FUT8: variants seen among roughly 807,000 people sequenced by gnomAD.
FUT8 encodes the protein fucosyltransferase 8, also known as alpha-(1,6)-fucosyltransferase.
In FUT8, 29 loss-of-function variants were observed where a neutral mutation model predicts 71.3. The ratio of observed to expected loss-of-function variants is 0.41; its 90% CI spans 0.30 to 0.55. The LOEUF (loss-of-function observed/expected upper bound fraction) is 0.55. Among genes scored for constraint, FUT8 ranks in the 20% least tolerant of loss-of-function variants. FUT8 has a pLI of 0.34. For synonymous variants in FUT8, 254 were observed against 239.3 expected, an observed-to-expected ratio of 1.06 and a Z score of -0.57; for missense variants, 544 against 702.1, an observed-to-expected ratio of 0.77 and a Z score of 2.55.
At chr14:65,604,188 G>A (rs1423110398) in intron 3 of FUT8, among the ~76,000 whole-genome samples, 1 of 151,798 alleles carries the variant, frequency 6.6e-6, no homozygotes, top group East Asian at 1.9e-4. Context: ...GCACTAGACA[G>A]GTCATCAAGA....
intron 2 of FUT8, among the ~76,000 whole-genome samples, chr14:65,555,688 T>C (rs745859173): frequency 1.4e-4 from 22 of 152,218 alleles, no homozygotes; most frequent in Non-Finnish European, 2.9e-4. Flanking sequence ...ACTTTTATTG[T>C]TAATTTTCTC....
At chr14:65,522,820 G>A (rs954723018) in intron 2 of FUT8, among the ~76,000 whole-genome samples, 2 of 151,106 alleles carry the variant, frequency 1.3e-5, no homozygotes, top group South Asian at 2.1e-4. Flanking sequence ...AGAACATGTG[G>A]TATTTGGTTT....
intron 1 of FUT8, among the ~76,000 whole-genome samples, chr14:65,454,856 A>G (rs1363950933): frequency 6.6e-6 from 1 of 152,202 alleles, no homozygotes; most frequent in African/African-American, 2.4e-5. Flanking sequence ...TGTGTGCCAA[A>G]CATGATACTG....
At position 65,626,887 on chromosome 14, in the gene FUT8, G is replaced by A. The variant is rs561051332; in HGVS notation, c.483-2605G>A. Reference sequence around the variant, plus strand: ...CCATAATCTTAAGCATGCCAGAGGAGTTAATACAAAGTGTTGAGAAGGGAT... The same window carrying A: ...CCATAATCTTAAGCATGCCAGAGGAATTAATACAAAGTGTTGAGAAGGGAT... On this transcript the variant is annotated intron_variant, in intron 5 of 10. Transcript: ENST00000673929. Among the ~76,000 whole-genome samples the A allele has an allele frequency of 1.4e-4, 22 of 152,304 alleles. No homozygotes were observed. In the South Asian group the frequency reaches 4.3e-3, roughly 30 times the overall value.
intron 2 of FUT8, among the ~76,000 whole-genome samples, chr14:65,536,861 C>T (rs546818203): frequency 2.0e-5 from 3 of 152,186 alleles, no homozygotes; most frequent in South Asian, 4.2e-4. Flanking sequence ...TGCTTCCAGT[C>T]TCCCCATTTC....
At chr14:65,360,142 TTTTTACC>T in the FUT8 span, among the ~76,000 whole-genome samples, 1 of 152,202 alleles carries the variant, frequency 6.6e-6, no homozygotes, top group South Asian at 2.1e-4. Flanking sequence ...GGCACACTCA[TTTTTACC>T]TTATGTTGTG....
chr14:65,360,937 G>A, the FUT8 span, among the ~76,000 whole-genome samples: 1 of 152,142 alleles, frequency 6.6e-6, no homozygotes, highest in East Asian at 1.9e-4. Flanking sequence ...CTGCAAAATG[G>A]GGATGGTAAA....
At chr14:65,594,527 T>C (rs202142808) in intron 3 of FUT8, among the ~76,000 whole-genome samples, 1 of 152,186 alleles carries the variant, frequency 6.6e-6, no homozygotes, top group African/African-American at 2.4e-5. Context: ...GTGGCTGCCC[T>C]CTGCCAGTGA....
chr14:65,559,737 C>T (rs1038396102), intron 2 of FUT8, among the ~76,000 whole-genome samples: 2 of 151,936 alleles, frequency 1.3e-5, no homozygotes, highest in Admixed American at 1.3e-4. Context: ...TCACAGAGCC[C>T]TGGATTTCTG....
intron 6 of FUT8, chr14:65,636,506 C>T (rs891751601): frequency 6.6e-6 from 1 of 152,062 alleles, no homozygotes; most frequent in East Asian, 1.9e-4. Context: ...CTCTTAGCAC[C>T]ACCTTTGCCA....
Position 65,558,325 on chromosome 14 carries a change from CAAA to C in FUT8, c.-227-2997_-227-2995del, listed in dbSNP as rs67556145. On this transcript the variant is annotated intron_variant, in intron 2 of 10. Transcript: ENST00000673929. Reference sequence around the variant, plus strand: ...CCAGCCTGGGCAACAGAGCGAGACTCAAAAAAAAAAAAAAAAAGACTCTCTTGG... The same window carrying C: ...CCAGCCTGGGCAACAGAGCGAGACTCAAAAAAAAAAAAAAGACTCTCTTGG... Among the ~76,000 whole-genome samples, 1,016 of 118,126 alleles carry C rather than the reference CAAA, an allele frequency of 8.6e-3. 11 individuals carry two copies. The highest frequency in any genetic ancestry group is 0.028 in the African/African-American group (892 of 31,728). 77.5% of individuals were successfully genotyped at this position (118,126 alleles called of 152,430 possible). A position where few individuals can be genotyped will look rare whatever the true frequency, so the allele number is the denominator to read the frequency against.
chr14:65,513,411 G>A (rs1882491382), intron 2 of FUT8, among the ~76,000 whole-genome samples: 1 of 152,192 alleles, frequency 6.6e-6, no homozygotes, highest in Non-Finnish European at 1.5e-5. Flanking sequence ...AGCTGCCTGG[G>A]AGCTTTCCTC....
intron 1 of FUT8, among the ~76,000 whole-genome samples, chr14:65,430,796 C>T (rs1025842257): frequency 6.6e-6 from 1 of 151,984 alleles, no homozygotes; most frequent in African/African-American, 2.4e-5. Flanking sequence ...TACAGAACAT[C>T]ATTAGATGGG....
intron 1 of FUT8, among the ~76,000 whole-genome samples, chr14:65,435,640 G>T (rs1013024675): frequency 5.9e-5 from 9 of 152,094 alleles, no homozygotes; most frequent in Admixed American, 6.6e-5. Context: ...CAGATTGCTG[G>T]ATGATATGGT....
At chr14:65,380,229 G>C in the FUT8 span, among the ~76,000 whole-genome samples, 1 of 152,122 alleles carries the variant, frequency 6.6e-6, no homozygotes, top group Non-Finnish European at 1.5e-5. Flanking sequence ...AAATGAGGAA[G>C]GAGCAAAAGC....
the FUT8 span, among the ~76,000 whole-genome samples, chr14:65,361,683 G>A: frequency 6.6e-6 from 1 of 152,092 alleles, no homozygotes; most frequent in East Asian, 1.9e-4. Context: ...AGCTACTTGG[G>A]AGGCTGAGGT....
In FUT8 at chr14:65,483,800, T is replaced by C. The variant is rs1033143845; in HGVS notation, c.-228+28082T>C. 2.0e-5 allele frequency among the ~76,000 whole-genome samples: 3 copies of C among 152,088 alleles called. No homozygotes were observed. The highest frequency in any genetic ancestry group is 7.2e-5 in the African/African-American group (3 of 41,402). On this transcript the variant is annotated intron_variant, in intron 2 of 10. Transcript: ENST00000673929. This position sits in a 1 kb window ranked among gnomAD's most constrained non-coding sequence, Gnocchi z 4.4. ...CAGGCTGGAGTGTGGTGGCATGATA[T>C]CAGCTCACTGCAACCTTCACCTTCT...
intron 2 of FUT8, among the ~76,000 whole-genome samples, chr14:65,512,082 A>C (rs1390024337): frequency 6.6e-6 from 1 of 152,224 alleles, no homozygotes; most frequent in Admixed American, 6.5e-5. Context: ...ATGTTACTGT[A>C]CTGAATATTG....
In FUT8 at chr14:65,550,963, G is replaced by A. The variant is rs1885250515; in HGVS notation, c.-227-10374G>A. Among the ~76,000 whole-genome samples the A allele has an allele frequency of 6.6e-6, 1 of 152,148 alleles. No individual in the cohort carries two copies. Among genetic ancestry groups the A allele is most frequent in the African/African-American group, 2.4e-5 (1 of 41,440 alleles). On this transcript the variant is annotated intron_variant, in intron 2 of 10. Transcript: ENST00000673929. The surrounding 1 kb of genome is among the most constrained non-coding windows in gnomAD (Gnocchi z 4.5). ...ATGCATTTTGTTTACATATTAAAAT[G>A]CATCTTAGCATAAATTTTTGCATGT...
Sources: allele counts gnomAD v4.1 joint callset (sites outside exome capture counted in the v4.1 genomes callset), GRCh38; gene constraint gnomAD v4.1.1; non-coding constraint Gnocchi (gnomAD v3.1); transcripts MANE v1.5; gene names NCBI Gene and HGNC (gene_info 2026-07-23, HGNC 2026-07-21).